SLC35F4: variants seen among roughly 807,000 people sequenced by gnomAD.
SLC35F4 encodes the protein chromosome 14 open reading frame 36.
Under a neutral mutation model 44.2 loss-of-function variants are expected in SLC35F4, and 24 were observed. The observed-to-expected ratio is 0.54, with a 90% CI of 0.39 to 0.76. The LOEUF (loss-of-function observed/expected upper bound fraction) is 0.76, where lower values mean the gene tolerates loss of function less well. SLC35F4 is among the 30% of genes least tolerant of loss of function. The probability of loss-of-function intolerance (pLI) is 0.00; values close to 1 mark genes in which losing one functional copy is unlikely to be tolerated. For synonymous variants in SLC35F4, 238 were observed against 223.6 expected (o/e 1.06, Z -0.57); for missense variants, 562 against 586.1 (o/e 0.96, Z 0.42).
intron 1 of SLC35F4, among the ~76,000 whole-genome samples, chr14:57,781,977 T>A (rs1416104177): frequency 6.6e-6 from 1 of 152,300 alleles, no homozygotes; most frequent in East Asian, 1.9e-4. Flanking sequence ...GTTTAATACC[T>A]GGGTGATAAA....
chr14:57,748,192 A>G (rs2076803146), intron 1 of SLC35F4, among the ~76,000 whole-genome samples: 1 of 152,146 alleles, frequency 6.6e-6, no homozygotes, highest in Admixed American at 6.6e-5. Context: ...AACTGTCTTG[A>G]GTTTTTCACT....
intron 1 of SLC35F4, among the ~76,000 whole-genome samples, chr14:57,854,251 G>T (rs1338919536): frequency 1.3e-5 from 2 of 151,980 alleles, no homozygotes; most frequent in African/African-American, 4.8e-5. Flanking sequence ...TTGTGTTAGG[G>T]TAACAAGATT....
intron 3 of SLC35F4, among the ~76,000 whole-genome samples, chr14:57,588,849 A>G (rs2069966684): frequency 6.6e-6 from 1 of 152,226 alleles, no homozygotes; most frequent in Non-Finnish European, 1.5e-5. Context: ...ACTTTCAGAA[A>G]TAAATAGATC....
chr14:57,827,530 A>T (rs541903893), intron 1 of SLC35F4, among the ~76,000 whole-genome samples: 46 of 152,198 alleles, frequency 3.0e-4, no homozygotes, highest in East Asian at 7.7e-4. Flanking sequence ...TTATTTTTTT[A>T]AAAAAAGGAC....
intron 1 of SLC35F4, among the ~76,000 whole-genome samples, chr14:57,818,867 T>C (rs985362869): frequency 2.0e-5 from 3 of 152,208 alleles, no homozygotes; most frequent in African/African-American, 7.2e-5. Flanking sequence ...TTGTCATAGG[T>C]TGCAGCAATT....
chr14:57,941,872 G>T (rs1265207246), intron 1 of SLC35F4, among the ~76,000 whole-genome samples: 1 of 152,188 alleles, frequency 6.6e-6, no homozygotes, highest in African/African-American at 2.4e-5. Flanking sequence ...TAGAATGAAT[G>T]AATGGGTGAA....
At chr14:57,835,115 G>A (rs1884780702) in intron 1 of SLC35F4, among the ~76,000 whole-genome samples, 1 of 152,212 alleles carries the variant, frequency 6.6e-6, no homozygotes, top group Non-Finnish European at 1.5e-5. Context: ...GTTTGCCACA[G>A]AAACATGAAA....
intron 1 of SLC35F4, among the ~76,000 whole-genome samples, chr14:57,758,090 T>A (rs1254959122): frequency 6.6e-6 from 1 of 151,720 alleles, no homozygotes; most frequent in Non-Finnish European, 1.5e-5. Flanking sequence ...TTCACTTGCA[T>A]TATTTCTGGT....
intron 1 of SLC35F4, among the ~76,000 whole-genome samples, chr14:57,692,413 C>A (rs1037141130): frequency 3.3e-5 from 5 of 152,010 alleles, no homozygotes; most frequent in Admixed American, 1.3e-4. Flanking sequence ...AATTTATAAT[C>A]ATTTTATCTT....
At chr14:57,607,320 C>T (rs1248149731) in intron 1 of SLC35F4, among the ~76,000 whole-genome samples, 2 of 152,128 alleles carry the variant, frequency 1.3e-5, no homozygotes, top group Non-Finnish European at 2.9e-5. Context: ...GGAGGAGTAC[C>T]AGTCAGGAAC....
At chr14:57,628,511 T>C (rs1226709377) in intron 1 of SLC35F4, among the ~76,000 whole-genome samples, 2 of 143,150 alleles carry the variant, frequency 1.4e-5, no homozygotes, top group Non-Finnish European at 3.0e-5. Context: ...TGTGTTCTCA[T>C]TGTTAAACTC....
At chr14:57,770,830 G>GT (rs1335668951) in intron 1 of SLC35F4, among the ~76,000 whole-genome samples, 1 of 152,152 alleles carries the variant, frequency 6.6e-6, no homozygotes, top group African/African-American at 2.4e-5. Flanking sequence ...TACAGTATAG[G>GT]ATAGTACAAT....
At chr14:57,655,005 G>A (rs2073915117) in intron 1 of SLC35F4, among the ~76,000 whole-genome samples, 1 of 152,062 alleles carries the variant, frequency 6.6e-6, no homozygotes, top group Admixed American at 6.6e-5. Context: ...CTCCAGGGTG[G>A]CGTGACTCCT....
chr14:57,705,637 G>T (rs943455468), intron 1 of SLC35F4, among the ~76,000 whole-genome samples: 4 of 152,094 alleles, frequency 2.6e-5, no homozygotes, highest in African/African-American at 9.7e-5. Flanking sequence ...CTCAGGGTTT[G>T]GGTATCACTA....
intron 1 of SLC35F4, among the ~76,000 whole-genome samples, chr14:57,873,731 G>A (rs1166063835): frequency 6.9e-6 from 1 of 145,852 alleles, no homozygotes; most frequent in Non-Finnish European, 1.5e-5. Context: ...ATATTAAAGT[G>A]AATACAAACA....
chr14:57,925,063 C>T (rs1053695816), intron 1 of SLC35F4, among the ~76,000 whole-genome samples: 2 of 151,964 alleles, frequency 1.3e-5, no homozygotes, highest in African/African-American at 4.8e-5. Flanking sequence ...CCACGAGGCT[C>T]TTTTTAACAA....
intron 1 of SLC35F4, among the ~76,000 whole-genome samples, chr14:57,695,834 T>C (rs1594816397): frequency 2.6e-5 from 4 of 152,136 alleles, no homozygotes; most frequent in Admixed American, 2.6e-4. Context: ...TGAAATACTA[T>C]GCAGCCATAA....
intron 1 of SLC35F4, among the ~76,000 whole-genome samples, chr14:57,613,682 T>A (rs2071640775): frequency 6.6e-6 from 1 of 152,232 alleles, no homozygotes; most frequent in South Asian, 2.1e-4. Context: ...ACAGCTTGAC[T>A]TCCTGCATAG....
chr14:57,711,709 C>T (rs2075822114), intron 1 of SLC35F4, among the ~76,000 whole-genome samples: 2 of 152,154 alleles, frequency 1.3e-5, no homozygotes. Context: ...GTCACATGTA[C>T]ACACATATAC....
Sources: gnomAD v4.1 joint callset for allele counts (sites outside exome capture counted in the v4.1 genomes callset) on GRCh38, gnomAD v4.1.1 for gene constraint, MANE v1.5 for transcripts, NCBI Gene and HGNC (gene_info 2026-07-23, HGNC 2026-07-21) for gene names.